The following INTS7 variants were observed in gnomAD, a reference collection of about 807,000 sequenced individuals.
INTS7 encodes the protein integrator complex subunit 7.
INTS7 carries 46 observed loss-of-function variants against 109.2 expected under a neutral mutation model. The observed-to-expected ratio is 0.42, with a 90% CI of 0.33 to 0.54. The LOEUF is 0.54. INTS7 is among the 20% of genes least tolerant of loss of function. The pLI, the probability that INTS7 is intolerant of heterozygous loss-of-function variation, is 0.07. For synonymous variants in INTS7, 412 were observed against 402.9 expected (o/e 1.02, Z -0.27); for missense variants, 929 against 1,132.4 (o/e 0.82, Z 2.58).
intron 1 of INTS7, among the ~76,000 whole-genome samples, chr1:212,034,676 A>G (rs1274213244): frequency 6.6e-6 from 1 of 152,180 alleles, no homozygotes; most frequent in Non-Finnish European, 1.5e-5. Context: ...ACTTAATACA[A>G]TTCTGCCGGC....
In INTS7 at chr1:211,950,053, C is replaced by G. The variant is rs375106976; in HGVS notation, c.2316+2516G>C. 1.6e-4 allele frequency among the ~76,000 whole-genome samples: 24 copies of G among 152,314 alleles called. No homozygotes were observed. In the East Asian group the frequency reaches 4.2e-3, roughly 27 times the overall value. On this transcript the variant is annotated intron_variant, in intron 17 of 19. Transcript: ENST00000366994. ...TCTCTTTTTTGTACTACATCTCTAC[C>G]TTGTGCAGAATTCTATTAATGCACA...
At chr1:211,977,760 C>T (rs76383752) in intron 11 of INTS7, among the ~76,000 whole-genome samples, 8,864 of 152,184 alleles carry the variant, frequency 0.058, 287 homozygotes, top group Non-Finnish European at 0.073. Flanking sequence ...TAAGCATGTA[C>T]CTTTCCCAAC....
At chr1:211,982,013 A>AG (rs1664690092) in intron 9 of INTS7, among the ~76,000 whole-genome samples, 1 of 152,198 alleles carries the variant, frequency 6.6e-6, no homozygotes, top group South Asian at 2.1e-4. Flanking sequence ...AGGAACAAGC[A>AG]GTGCTGAAGG....
At chr1:212,021,369 T>C (rs1666691368) in intron 1 of INTS7, among the ~76,000 whole-genome samples, 157 bp from the exon 2 acceptor site, 1 of 152,008 alleles carries the variant, frequency 6.6e-6, no homozygotes, top group African/African-American at 2.4e-5. Context: ...GTAAAAATGG[T>C]ATATTGAAAT....
chr1:211,992,469 AATAAAT>A (rs1329694449), intron 7 of INTS7, among the ~76,000 whole-genome samples: 1 of 152,168 alleles, frequency 6.6e-6, no homozygotes, highest in Non-Finnish European at 1.5e-5. Flanking sequence ...AGTCTCAGTA[AATAAAT>A]ATTCGTTTAA....
intron 17 of INTS7, among the ~76,000 whole-genome samples, chr1:211,948,468 C>CA (rs1425017348): frequency 2.6e-5 from 4 of 152,330 alleles, no homozygotes; most frequent in South Asian, 2.1e-4. Flanking sequence ...AGCGTGGACT[C>CA]AGAGGACCAC....
At chr1:211,980,594 T>A (rs1019213041) in intron 10 of INTS7, among the ~76,000 whole-genome samples, 1 of 152,012 alleles carries the variant, frequency 6.6e-6, no homozygotes. Context: ...CCCCAATATG[T>A]CCAGCTAAAT....
chr1:211,968,685 G>A lies in INTS7; in HGVS notation c.1838C>T (p.Pro613Leu). ...TACAAATTCACACTGAAAGCTTAAA[G>A]GATTCAGTGGTGTACTAGCTGCCTG... The part of the protein sequence containing the change: ...SLTAASTPLN[P>L]LSFQCEFVKL... The change falls in exon 14 of 20, where the codon CCT (proline) becomes CTT (leucine). Residue 613 changes from proline to leucine, a missense_variant. Transcript: ENST00000366994. 6.2e-7 allele frequency: 1 copy of A among 1,609,486 alleles called. No homozygotes were observed. The highest frequency in any genetic ancestry group is 8.5e-7 in the Non-Finnish European group (1 of 1,178,468).
chr1:212,029,211 G>A (rs1181957878), intron 1 of INTS7, among the ~76,000 whole-genome samples: 1 of 152,160 alleles, frequency 6.6e-6, no homozygotes, highest in Non-Finnish European at 1.5e-5. Context: ...TGGCTTATGA[G>A]GCAGAAAATG....
chr1:211,968,526 C>A lies in INTS7; in HGVS notation c.1997G>T (p.Arg666Leu). Reference protein sequence around the residue: ...TLGNDLQRCGRISNQMKQSME... With the variant: ...TLGNDLQRCGLISNQMKQSME... The stretch of plus-strand genomic sequence containing the variant: ...GTTAAGACATGCCTGATTGGAGATG[C>A]GACCACACCTCTGGAGGTCATTTCC... Residue 666 changes from arginine to leucine, a missense_variant, in exon 14 of 20, where the codon CGC becomes CTC. Coordinates refer to ENST00000366994, the MANE Select transcript of INTS7 (RefSeq NM_015434.4). 1 of 1,611,388 alleles carries A rather than the reference C, an allele frequency of 6.2e-7. No homozygotes were observed. Among genetic ancestry groups the A allele is most frequent in the South Asian group, 1.1e-5 (1 of 90,650 alleles).
intron 4 of INTS7, among the ~76,000 whole-genome samples, chr1:212,011,877 A>T (rs1666180073): frequency 6.6e-6 from 1 of 152,270 alleles, no homozygotes; most frequent in African/African-American, 2.4e-5. Flanking sequence ...TTTAGGGCTA[A>T]GAAACTTCAA....
chr1:211,992,516 C>T (rs917742305), intron 7 of INTS7, among the ~76,000 whole-genome samples: 14 of 151,964 alleles, frequency 9.2e-5, no homozygotes, highest in African/African-American at 3.4e-4. Context: ...CCCATCTCTA[C>T]TAAAAATTTT....
intron 1 of INTS7, among the ~76,000 whole-genome samples, chr1:212,028,423 C>CT (rs1411190315): frequency 1.3e-5 from 2 of 152,186 alleles, no homozygotes; most frequent in Non-Finnish European, 2.9e-5. Context: ...CATTACAGTA[C>CT]TGCAGGTCCA....
intron 16 of INTS7, among the ~76,000 whole-genome samples, chr1:211,963,920 T>C (rs746375551): frequency 2.0e-5 from 3 of 152,292 alleles, no homozygotes; most frequent in Middle Eastern, 3.4e-3. Context: ...GCATTCCCCC[T>C]GAAAACCGGC....
chr1:211,951,272 C>G (rs1473075920), intron 17 of INTS7, among the ~76,000 whole-genome samples: 1 of 151,974 alleles, frequency 6.6e-6, no homozygotes, highest in Non-Finnish European at 1.5e-5. Context: ...GGAGGTGGGC[C>G]CCCATGATGG....
chr1:211,964,961 C>A (rs186281770), intron 16 of INTS7, among the ~76,000 whole-genome samples: 1 of 152,218 alleles, frequency 6.6e-6, no homozygotes, highest in East Asian at 1.9e-4. Context: ...CAAATGGGAT[C>A]TAATAAAACT....
intron 15 of INTS7, among the ~76,000 whole-genome samples, chr1:211,967,632 T>G (rs1663958509): frequency 6.6e-6 from 1 of 152,156 alleles, no homozygotes; most frequent in Admixed American, 6.5e-5. Context: ...ACACTGGCTT[T>G]GGATGTTGCT....
intron 16 of INTS7, among the ~76,000 whole-genome samples, chr1:211,958,083 A>G (rs1180721878): frequency 7.1e-6 from 1 of 140,598 alleles, no homozygotes; most frequent in Non-Finnish European, 1.5e-5. Context: ...AAAAAAAAAC[A>G]AAAACATTTA....
rs1405612876 is a variant in INTS7 at position 211,961,344 on chromosome 1, C to A, written c.2183+5086G>T. On this transcript the variant is annotated intron_variant, in intron 16 of 19. Transcript: ENST00000366994. ...GCAGCTAGAAAGGTCAGGCCACCTACAAAGGGAAGTCCATCAGACTTAACA... is the reference window on the plus strand; with the variant it reads ...GCAGCTAGAAAGGTCAGGCCACCTAAAAAGGGAAGTCCATCAGACTTAACA... Among the ~76,000 whole-genome samples, 6 of 151,402 alleles carry A rather than the reference C, an allele frequency of 4.0e-5. No individual in the cohort carries two copies. The East Asian group carries it at 9.6e-4, about 24-fold the overall frequency.
Sources: gnomAD v4.1 joint callset for allele counts (sites outside exome capture counted in the v4.1 genomes callset) on GRCh38, gnomAD v4.1.1 for gene constraint, MANE v1.5 for transcripts, NCBI Gene and HGNC (gene_info 2026-07-23, HGNC 2026-07-21) for gene names.